Variants in DAB1 observed in about 807,000 individuals in gnomAD.
DAB1 encodes DAB adaptor protein 1.
In DAB1, 15 loss-of-function variants were observed where a neutral mutation model predicts 64.6. The ratio of observed to expected loss-of-function variants is 0.23; its 90% CI spans 0.16 to 0.36. The LOEUF is 0.36. Among genes scored for constraint, DAB1 ranks in the 10% least tolerant of loss-of-function variants. The pLI, the probability that DAB1 is intolerant of heterozygous loss-of-function variation, is 1.00. For missense variants in DAB1, 596 were observed against 706.7 expected (o/e 0.84, Z 1.78); for synonymous variants, 235 against 251.9 (o/e 0.93, Z 0.64).
intron 5 of DAB1, among the ~76,000 whole-genome samples, chr1:57,957,463 G>A (rs1645418437): frequency 6.6e-6 from 1 of 152,144 alleles, no homozygotes; most frequent in South Asian, 2.1e-4. Flanking sequence ...GAACATATTG[G>A]CTTTGAGATA....
intron 5 of DAB1, among the ~76,000 whole-genome samples, chr1:58,002,118 TG>T (rs1355290526): frequency 6.6e-6 from 1 of 152,148 alleles, no homozygotes; most frequent in Non-Finnish European, 1.5e-5. Context: ...CCACCAGAAT[TG>T]CAAAAAAATA....
chr1:57,580,438 C>T (rs1645299653), intron 7 of DAB1, among the ~76,000 whole-genome samples: 1 of 152,130 alleles, frequency 6.6e-6, no homozygotes, highest in Admixed American at 6.6e-5. Flanking sequence ...GCTTCTACTC[C>T]TTGGTCGTGG....
At chr1:57,220,349 A>G (rs1163009424) in intron 2 of DAB1, among the ~76,000 whole-genome samples, 1 of 152,186 alleles carries the variant, frequency 6.6e-6, no homozygotes, top group Non-Finnish European at 1.5e-5. Context: ...GCAATGTAAA[A>G]CAATTCCCAG....
chr1:58,354,204 T>C (rs781007552), intron 3 of DAB1, among the ~76,000 whole-genome samples: 2 of 152,114 alleles, frequency 1.3e-5, no homozygotes, highest in Non-Finnish European at 2.9e-5. Flanking sequence ...TCTTCCTTGT[T>C]GTTTTTTTCA....
intron 6 of DAB1, among the ~76,000 whole-genome samples, chr1:57,798,261 A>T (rs2101868701): frequency 6.6e-6 from 1 of 152,346 alleles, no homozygotes; most frequent in African/African-American, 2.4e-5. Context: ...CACAAAGCAG[A>T]GAGCTGCGGT....
At chr1:57,670,594 T>C (rs1462162684) in intron 6 of DAB1, among the ~76,000 whole-genome samples, 1 of 152,112 alleles carries the variant, frequency 6.6e-6, no homozygotes, top group Non-Finnish European at 1.5e-5. Context: ...ATATCAGTGG[T>C]AATGCTGGCT....
chr1:57,595,265 GA>G (rs1645494473), intron 7 of DAB1, among the ~76,000 whole-genome samples: 2 of 150,928 alleles, frequency 1.3e-5, no homozygotes, highest in South Asian at 2.1e-4. Context: ...TTAGATTCTA[GA>G]TTTTTTTTAG....
At chr1:58,440,633 A>G (rs961393903) in intron 3 of DAB1, among the ~76,000 whole-genome samples, 1 of 152,206 alleles carries the variant, frequency 6.6e-6, no homozygotes, top group Non-Finnish European at 1.5e-5. Flanking sequence ...TTAATGAGAT[A>G]ATGAAATAAG....
chr1:58,334,070 A>T (rs1663038801), intron 4 of DAB1, among the ~76,000 whole-genome samples: 1 of 152,172 alleles, frequency 6.6e-6, no homozygotes, highest in Non-Finnish European at 1.5e-5. Context: ...GCCTGTACAA[A>T]CCGGGGAAGG....
At chr1:57,062,705 T>C (rs144107607) in intron 9 of DAB1, among the ~76,000 whole-genome samples, 179 bp downstream of exon 9, 1 of 152,236 alleles carries the variant, frequency 6.6e-6, no homozygotes, top group East Asian at 1.9e-4. Flanking sequence ...GTGCTACCAT[T>C]TCTGCCTCAT....
chr1:57,625,078 G>T (rs566675216), intron 7 of DAB1, among the ~76,000 whole-genome samples: 9 of 152,258 alleles, frequency 5.9e-5, no homozygotes, highest in Middle Eastern at 3.4e-3. Context: ...TGCTGGGAAG[G>T]AAGGCATTTT....
Position 57,025,031 on chromosome 1 carries a change from G to C in DAB1, c.786+950C>G, listed in dbSNP as rs188228101. Among the ~76,000 whole-genome samples the C allele has an allele frequency of 5.1e-4, 78 of 152,030 alleles. 4 individuals carry two copies. In the East Asian group the frequency reaches 8.9e-3, roughly 17 times the overall value. ...GTGGTGAGGTTACAGCCTTTTCTCT[G>C]TGAGGCGCATCTTGCCAATGAACCA... On this transcript the variant is annotated intron_variant, in intron 10 of 14. Transcript: ENST00000371236.
At chr1:57,687,093 A>G (rs1370339074) in intron 6 of DAB1, among the ~76,000 whole-genome samples, 1 of 152,166 alleles carries the variant, frequency 6.6e-6, no homozygotes, top group Non-Finnish European at 1.5e-5. Context: ...AGAATAAGAA[A>G]AAGTGAAACT....
chr1:57,811,395 C>T (rs746901174), intron 6 of DAB1, among the ~76,000 whole-genome samples: 5 of 152,182 alleles, frequency 3.3e-5, no homozygotes, highest in African/African-American at 7.2e-5. Context: ...GTAGCACCTA[C>T]GCCCATCTCC....
chr1:57,812,002 G>C (rs936428133), intron 6 of DAB1, among the ~76,000 whole-genome samples: 6 of 152,148 alleles, frequency 3.9e-5, no homozygotes, highest in Non-Finnish European at 8.8e-5. Flanking sequence ...GTGTCAACAT[G>C]TAAAGAATAA....
At chr1:57,088,626 GC>G (rs1383372934) in intron 4 of DAB1, among the ~76,000 whole-genome samples, 1 of 152,086 alleles carries the variant, frequency 6.6e-6, no homozygotes, top group Non-Finnish European at 1.5e-5. Context: ...CCCACCTCCA[GC>G]TTTTTGGGAT....
At chr1:58,072,579 A>ATCCC (rs1649345770) in intron 5 of DAB1, among the ~76,000 whole-genome samples, 1 of 152,032 alleles carries the variant, frequency 6.6e-6, no homozygotes, top group Non-Finnish European at 1.5e-5. Flanking sequence ...ATCAAGTCAG[A>ATCCC]TAGATCTGTC....
chr1:57,626,180 T>G lies in DAB1; in HGVS notation n.625+23412A>C, dbSNP rs118095792. The stretch of plus-strand genomic sequence containing the variant: ...CACAAATCTGCATTTGAGAAGCACT[T>G]CTGTATGCAGTGTCAAGGAGGCTGT... On this transcript the variant is annotated intron_variant and non_coding_transcript_variant, in intron 7 of 20. Coordinates refer to the DAB1 transcript ENST00000485760. Among the ~76,000 whole-genome samples the G allele has an allele frequency of 2.0e-5, 3 of 152,292 alleles. No individual in the cohort carries two copies. The East Asian group carries it at 5.8e-4, about 29-fold the overall frequency.
chr1:58,484,622 A>G (rs1290345891), intron 3 of DAB1, among the ~76,000 whole-genome samples: 1 of 152,200 alleles, frequency 6.6e-6, no homozygotes, highest in Non-Finnish European at 1.5e-5. Context: ...CTGGCTTGGT[A>G]AATGTTTTTA....
Sources: allele counts gnomAD v4.1 joint callset (sites outside exome capture counted in the v4.1 genomes callset), GRCh38; gene constraint gnomAD v4.1.1; transcripts MANE v1.5; gene names NCBI Gene and HGNC (gene_info 2026-07-23, HGNC 2026-07-21).